The following MAP2 variants were observed in gnomAD, a reference collection of about 807,000 sequenced individuals.
MAP2 encodes microtubule-associated protein 2.
MAP2 carries 14 observed loss-of-function variants against 137.6 expected under a neutral mutation model. That is an observed-to-expected ratio of 0.10 (90% CI 0.07 to 0.16). The LOEUF (loss-of-function observed/expected upper bound fraction) is 0.16. Ranked by LOEUF, MAP2 falls within the 10% of genes least tolerant of loss-of-function variation. The pLI is 1.00. For synonymous variants in MAP2, 786 were observed against 782.3 expected (o/e 1.00, Z -0.08); for missense variants, 2,088 against 2,191.5 (o/e 0.95, Z 0.94).
intron 7 of MAP2, among the ~76,000 whole-genome samples, chr2:209,690,290 A>C (rs2058467763): frequency 6.6e-6 from 1 of 152,078 alleles, no homozygotes; most frequent in Admixed American, 6.5e-5. Context: ...CATGCGTGCA[A>C]CTTACTGCCG....
In MAP2 at chr2:209,694,805, T is replaced by C; in HGVS notation, c.2635T>C (p.Leu879=). The change falls in exon 8 of 16, where the codon TTG becomes CTG. Residue 879 remains leucine (L), a synonymous_variant. Transcript: ENST00000682079. The part of the protein sequence containing the change: ...YCVFNKYTVP[L]PSPVQDSENL... ...TGTGTTCAATAAGTACACAGTCCCA[T>C]TGCCATCACCTGTTCAAGACAGTGA... 1.9e-6 allele frequency: 3 copies of C among 1,614,164 alleles called. No individual in the cohort carries two copies. The highest frequency in any genetic ancestry group is 2.5e-6 in the Non-Finnish European group (3 of 1,180,016).
Position 209,692,619 on chromosome 2 carries a change from C to T in MAP2, c.455-6C>T. The T allele has an allele frequency of 1.9e-6, 3 of 1,558,014 alleles. No homozygotes were observed. The highest frequency in any genetic ancestry group is 2.6e-6 in the Non-Finnish European group (3 of 1,158,402). On this transcript the variant is annotated splice_region_variant and splice_polypyrimidine_tract_variant and intron_variant, in intron 7 of 15. Coordinates refer to ENST00000682079, the MANE Select transcript of MAP2 (RefSeq NM_001375505.1). ...ATTTGTTTAAAAATCAACCCGATTACTTCAGATTTACTTACAGCCTCGAAG... is the reference window on the plus strand; with the variant it reads ...ATTTGTTTAAAAATCAACCCGATTATTTCAGATTTACTTACAGCCTCGAAG...
At chr2:209,479,148 AT>A (rs1708118838) in intron 1 of MAP2, among the ~76,000 whole-genome samples, 1 of 152,112 alleles carries the variant, frequency 6.6e-6, no homozygotes, top group Non-Finnish European at 1.5e-5. Context: ...AACATGGAGT[AT>A]TTTCTACCAT....
intron 2 of MAP2, among the ~76,000 whole-genome samples, chr2:209,563,309 C>T (rs2072604235): frequency 1.3e-5 from 2 of 151,966 alleles, no homozygotes; most frequent in South Asian, 4.1e-4. Flanking sequence ...GAGGATTAAA[C>T]AAGTTAATGG....
intron 3 of MAP2, among the ~76,000 whole-genome samples, chr2:209,599,316 T>G (rs890413576): frequency 2.6e-5 from 4 of 152,010 alleles, no homozygotes; most frequent in South Asian, 4.2e-4. Context: ...TCTTGTAAAT[T>G]TGTTTGAGTT....
In MAP2 at chr2:209,523,025, C is replaced by T. The variant is rs189316981; in HGVS notation, c.-172+15384C>T. Reference sequence around the variant, plus strand: ...TGGTAAGGGACAAATTAAAATCTGACATTTGCATTCAGCTTAAATTAGTTA... The same window carrying T: ...TGGTAAGGGACAAATTAAAATCTGATATTTGCATTCAGCTTAAATTAGTTA... On this transcript the variant is annotated intron_variant, in intron 2 of 15. Coordinates refer to ENST00000682079, the MANE Select transcript of MAP2 (RefSeq NM_001375505.1). 1.8e-4 allele frequency among the ~76,000 whole-genome samples: 28 copies of T among 152,280 alleles called. No individual in the cohort carries two copies. In the East Asian group the frequency reaches 5.4e-3, roughly 29 times the overall value.
intron 4 of MAP2, among the ~76,000 whole-genome samples, chr2:209,634,372 G>C (rs1252326607): frequency 6.6e-6 from 1 of 152,154 alleles, no homozygotes; most frequent in African/African-American, 2.4e-5. Context: ...TCACCTAACA[G>C]TCCAGGTTCA....
chr2:209,698,467 G>A (rs554473206), intron 10 of MAP2, among the ~76,000 whole-genome samples: 7 of 152,160 alleles, frequency 4.6e-5, no homozygotes, highest in Admixed American at 2.0e-4. Context: ...ATAAATCTTC[G>A]GATGGTTTTA....
At chr2:209,560,481 CTTTT>C (rs61613421) in intron 2 of MAP2, among the ~76,000 whole-genome samples, 1 of 137,362 alleles carries the variant, frequency 7.3e-6, no homozygotes, top group Non-Finnish European at 1.6e-5. Context: ...CTTTGAGATT[CTTTT>C]TTTTTTTTTT....
At chr2:209,587,177 G>T (rs2077975038) in intron 3 of MAP2, among the ~76,000 whole-genome samples, 1 of 151,876 alleles carries the variant, frequency 6.6e-6, no homozygotes, top group Non-Finnish European at 1.5e-5. Flanking sequence ...TGTCCTCTCT[G>T]CCTGGATTTC....
intron 1 of MAP2, among the ~76,000 whole-genome samples, chr2:209,481,256 C>T (rs1369567351): frequency 1.3e-5 from 2 of 152,162 alleles, no homozygotes; most frequent in East Asian, 1.9e-4. Flanking sequence ...CAACATCTCC[C>T]AACAGAAGAA....
At chr2:209,721,601 T>A (rs1026801702) in intron 13 of MAP2, among the ~76,000 whole-genome samples, 3 of 152,220 alleles carry the variant, frequency 2.0e-5, no homozygotes, top group Admixed American at 1.3e-4. Flanking sequence ...TAGGATTGAA[T>A]CATTTGTTTT....
At chr2:209,724,092 G>C (rs2072766171) in intron 13 of MAP2, among the ~76,000 whole-genome samples, 1 of 152,184 alleles carries the variant, frequency 6.6e-6, no homozygotes, top group African/African-American at 2.4e-5. Context: ...GGCAAAGACT[G>C]ATATACTTGT....
chr2:209,494,215 T>C (rs1295179427), intron 1 of MAP2, among the ~76,000 whole-genome samples: 1 of 152,004 alleles, frequency 6.6e-6, no homozygotes, highest in African/African-American at 2.4e-5. Context: ...TTCTCACTGA[T>C]AAGTGAGAGT....
intron 3 of MAP2, among the ~76,000 whole-genome samples, chr2:209,611,299 G>T (rs565824097): frequency 7.2e-5 from 11 of 152,152 alleles, no homozygotes; most frequent in African/African-American, 2.6e-4. Flanking sequence ...CCCTGGAATA[G>T]AACTCAGAAC....
chr2:209,712,515 C>T (rs2065853708), intron 13 of MAP2, among the ~76,000 whole-genome samples: 1 of 152,026 alleles, frequency 6.6e-6, no homozygotes, highest in African/African-American at 2.4e-5. Flanking sequence ...AACTTTTTTG[C>T]AGAAGTAGGA....
chr2:209,647,790 G>A (rs557431271), intron 4 of MAP2, among the ~76,000 whole-genome samples: 1 of 152,112 alleles, frequency 6.6e-6, no homozygotes, highest in South Asian at 2.1e-4. Context: ...CAGATCTAAG[G>A]TTTATCAAGG....
Position 209,696,307 on chromosome 2 carries a change from C to T in MAP2, c.4137C>T (p.Asp1379=), listed in dbSNP as rs777404452. 1.1e-5 allele frequency: 17 copies of T among 1,586,454 alleles called. No individual in the cohort carries two copies. Among genetic ancestry groups the T allele is most frequent in the African/African-American group, 1.4e-5 (1 of 73,154 alleles). ...ATTACAAAGATGAGACCACCATTGA[C>T]GACTCCATCATGGACGCTGACAGCC... The part of the protein sequence containing the change: ...YDDYKDETTI[D]DSIMDADSLW... Residue 1379 remains aspartate, a synonymous_variant, in exon 8 of 16, where the codon GAC becomes GAT. Coordinates refer to ENST00000682079, the MANE Select transcript of MAP2 (RefSeq NM_001375505.1).
intron 4 of MAP2, among the ~76,000 whole-genome samples, chr2:209,644,145 C>CT (rs1428642336): frequency 1.3e-5 from 2 of 152,178 alleles, no homozygotes; most frequent in East Asian, 3.8e-4. Flanking sequence ...ACTGAAAACA[C>CT]TGTAAGACAC....
Sources: gnomAD v4.1 joint callset for allele counts (sites outside exome capture counted in the v4.1 genomes callset) on GRCh38, gnomAD v4.1.1 for gene constraint, MANE v1.5 for transcripts, NCBI Gene and HGNC (gene_info 2026-07-23, HGNC 2026-07-21) for gene names.